IGSF11: variants seen among roughly 807,000 people sequenced by gnomAD.
IGSF11 encodes immunoglobulin superfamily member 11.
IGSF11 carries 22 observed loss-of-function variants against 41.0 expected under a neutral mutation model. The ratio of observed to expected loss-of-function variants is 0.54; its 90% confidence interval spans 0.38 to 0.77. IGSF11 has a LOEUF of 0.77. Among genes scored for constraint, IGSF11 ranks in the 30% least tolerant of loss-of-function variants. The pLI, the probability that IGSF11 is intolerant of heterozygous loss-of-function variation, is 0.00. For missense variants in IGSF11, 444 were observed against 530.8 expected, an observed-to-expected ratio of 0.84 and a Z score of 1.61; for synonymous variants, 219 against 201.3, an observed-to-expected ratio of 1.09 and a Z score of -0.74.
At chr3:118,920,410 T>C (rs757284567) in intron 4 of IGSF11, among the ~76,000 whole-genome samples, 11 of 151,956 alleles carry the variant, frequency 7.2e-5, no homozygotes, top group Non-Finnish European at 1.6e-4. Flanking sequence ...ATACCCATAA[T>C]CAATGATTTC....
At chr3:118,979,738 GA>G (rs1368194933) in intron 1 of IGSF11, among the ~76,000 whole-genome samples, 10 of 152,246 alleles carry the variant, frequency 6.6e-5, no homozygotes, top group African/African-American at 2.2e-4. Context: ...AAGGAGTGAA[GA>G]GGCAATTTCT....
intron 1 of IGSF11, among the ~76,000 whole-genome samples, chr3:119,096,837 G>A (rs1178088315): frequency 2.0e-5 from 3 of 152,152 alleles, no homozygotes; most frequent in Non-Finnish European, 4.4e-5. Flanking sequence ...GGCAAAAAGG[G>A]TGGCCAAGAG....
chr3:118,993,917 A>C (rs74725440), intron 1 of IGSF11, among the ~76,000 whole-genome samples: 3,703 of 152,304 alleles, frequency 0.024, 79 homozygotes, highest in East Asian at 0.066. Flanking sequence ...AGAGTGATGG[A>C]AATGTTCTCA....
upstream of IGSF11, among the ~76,000 whole-genome samples, chr3:119,036,737 A>G (rs190252631): frequency 9.7e-4 from 148 of 152,196 alleles, no homozygotes; most frequent in African/African-American, 3.5e-3. Flanking sequence ...ATAAGTTCCA[A>G]TTGCATATGG....
intron 1 of IGSF11, among the ~76,000 whole-genome samples, chr3:118,958,404 C>A (rs1376723822): frequency 2.0e-5 from 3 of 152,140 alleles, no homozygotes; most frequent in Non-Finnish European, 4.4e-5. Flanking sequence ...TATTTTGTAA[C>A]TAAATTTGTT....
intron 1 of IGSF11, among the ~76,000 whole-genome samples, chr3:118,976,141 A>G (rs186481099): frequency 6.6e-6 from 1 of 152,308 alleles, no homozygotes; most frequent in African/African-American, 2.4e-5. Flanking sequence ...TTTAAGCTGT[A>G]TGCATTTCAT....
intron 4 of IGSF11, among the ~76,000 whole-genome samples, chr3:118,922,295 T>C (rs533880983): frequency 8.5e-5 from 13 of 152,276 alleles, no homozygotes; most frequent in African/African-American, 2.4e-4. Flanking sequence ...TGAAGCACAA[T>C]TGACTAACAA....
rs957757154 is a variant in IGSF11, at chr3:119,046,364, T to C, written c.49+58780A>G. On this transcript the variant is annotated intron_variant, in intron 1 of 6. Transcript: ENST00000354673. ...TGAAGAATGCAGAAGCCTCAGGAGC[T>C]GATGCAATCAACTGGAAGAAAGGGT... is the stretch of plus-strand genomic sequence containing the variant. Among the ~76,000 whole-genome samples, 7 of 152,152 alleles carry C rather than the reference T, an allele frequency of 4.6e-5. No individual in the cohort carries two copies. In the East Asian group the frequency reaches 9.7e-4, roughly 21 times the overall value.
intron 1 of IGSF11, among the ~76,000 whole-genome samples, chr3:118,978,020 G>A (rs1295349304): frequency 6.6e-6 from 1 of 152,102 alleles, no homozygotes; most frequent in African/African-American, 2.4e-5. Context: ...ACAGACTGCT[G>A]TGGGCTGAGG....
chr3:119,104,337 G>A (rs544513998), intron 1 of IGSF11, among the ~76,000 whole-genome samples: 5 of 151,984 alleles, frequency 3.3e-5, no homozygotes, highest in East Asian at 3.9e-4. Flanking sequence ...ACAACATATC[G>A]AATTTCTTTT....
intron 1 of IGSF11, among the ~76,000 whole-genome samples, chr3:119,126,270 C>T (rs1486592365): frequency 6.6e-6 from 1 of 152,222 alleles, no homozygotes; most frequent in Non-Finnish European, 1.5e-5. Flanking sequence ...AGCCAGAGTG[C>T]CTCTTCAGGT....
intron 1 of IGSF11, among the ~76,000 whole-genome samples, chr3:119,016,288 T>C (rs1390298509): frequency 1.3e-5 from 2 of 152,184 alleles, no homozygotes; most frequent in African/African-American, 2.4e-5. Context: ...ATATGGCATG[T>C]GTTCAAAGGT....
chr3:119,056,053 T>C (rs1941820248), intron 1 of IGSF11, among the ~76,000 whole-genome samples: 1 of 151,886 alleles, frequency 6.6e-6, no homozygotes, highest in South Asian at 2.1e-4. Context: ...AATATCACAA[T>C]TAAAAGAACT....
At chr3:118,951,660 G>T (rs952599681) in intron 1 of IGSF11, among the ~76,000 whole-genome samples, 1 of 151,878 alleles carries the variant, frequency 6.6e-6, no homozygotes, top group South Asian at 2.1e-4. Context: ...CATCAGTATC[G>T]ACTGGGATTG....
rs539954622 is a variant in IGSF11, at chr3:119,062,478, TG to T, written c.49+42665del. Among the ~76,000 whole-genome samples the T allele has an allele frequency of 2.2e-3, 333 of 152,304 alleles. 2 individuals carry two copies. Among genetic ancestry groups the T allele is most frequent in the African/African-American group, 7.8e-3 (323 of 41,564 alleles). ...CAGTCTTTCATCAATTCAACAACTA[TG>T]TAAAAATCCTGCTATGATGTGTTGA... is the stretch of plus-strand genomic sequence containing the variant. On this transcript the variant is annotated intron_variant, in intron 1 of 6. Coordinates refer to the IGSF11 transcript ENST00000354673.
chr3:119,076,905 G>C (rs550671646), intron 1 of IGSF11, among the ~76,000 whole-genome samples: 393 of 152,200 alleles, frequency 2.6e-3, no homozygotes, highest in Non-Finnish European at 1.6e-3. Context: ...TTGACCCAGC[G>C]ATCCCATTAC....
intron 1 of IGSF11, among the ~76,000 whole-genome samples, chr3:118,998,426 C>T (rs1936479352): frequency 1.3e-5 from 2 of 151,934 alleles, no homozygotes; most frequent in Admixed American, 1.3e-4. Context: ...ATTATCTGAT[C>T]AAATTTCTTA....
chr3:119,004,697 T>C (rs1937295161), intron 1 of IGSF11, among the ~76,000 whole-genome samples: 1 of 148,806 alleles, frequency 6.7e-6, no homozygotes, highest in Non-Finnish European at 1.5e-5. Flanking sequence ...AACATCTTTA[T>C]TTCTGCCTTC....
intron 1 of IGSF11, among the ~76,000 whole-genome samples, chr3:118,974,831 TC>T (rs1933885493): frequency 6.6e-6 from 1 of 152,106 alleles, no homozygotes; most frequent in South Asian, 2.1e-4. Context: ...ATTACTTTCT[TC>T]TTTATCATGA....
Sources: allele counts gnomAD v4.1 joint callset (sites outside exome capture counted in the v4.1 genomes callset), GRCh38; gene constraint gnomAD v4.1.1; transcripts MANE v1.5; gene names NCBI Gene and HGNC (gene_info 2026-07-23, HGNC 2026-07-21).